The following SETBP1 variants were observed in gnomAD, a reference collection of about 807,000 sequenced individuals.
SETBP1 encodes SET-binding protein.
A neutral mutation model predicts 101.0 loss-of-function variants in SETBP1; 9 were observed. The observed-to-expected ratio is 0.09, with a 90% CI of 0.05 to 0.16. SETBP1 has a LOEUF of 0.16. Among genes scored for constraint, SETBP1 ranks in the 10% least tolerant of loss-of-function variants. The pLI is 1.00. For missense variants in SETBP1, 1,858 were observed against 2,033.8 expected (o/e 0.91, Z 1.66); for synonymous variants, 818 against 788.5 (o/e 1.04, Z -0.63).
chr18:44,837,329 A>G (rs1018027441), intron 2 of SETBP1, among the ~76,000 whole-genome samples: 2 of 152,216 alleles, frequency 1.3e-5, no homozygotes, highest in Non-Finnish European at 2.9e-5. Flanking sequence ...ATCAACACTC[A>G]ATTATTTGCT....
At chr18:44,768,789 A>G (rs1475108097) in intron 2 of SETBP1, among the ~76,000 whole-genome samples, 1 of 152,252 alleles carries the variant, frequency 6.6e-6, no homozygotes, top group African/African-American at 2.4e-5. Context: ...TTATTTTGAC[A>G]GTTGCCCTTG....
At chr18:44,844,771 C>T (rs1461094308) in intron 2 of SETBP1, among the ~76,000 whole-genome samples, 1 of 152,112 alleles carries the variant, frequency 6.6e-6, no homozygotes, top group East Asian at 1.9e-4. Flanking sequence ...ACTGAAGCTT[C>T]CAAGTTCAGA....
intron 4 of SETBP1, among the ~76,000 whole-genome samples, chr18:44,982,344 G>T (rs991815293): frequency 1.3e-5 from 2 of 152,228 alleles, no homozygotes; most frequent in African/African-American, 4.8e-5. Flanking sequence ...GCTTCCTGGA[G>T]CAGTCGCCTC....
In SETBP1 at chr18:44,985,326, T is replaced by A. The variant is rs79571630; in HGVS notation, c.4000+31986T>A. On this transcript the variant is annotated intron_variant, in intron 4 of 5. Coordinates refer to ENST00000649279, the MANE Select transcript of SETBP1 (RefSeq NM_015559.3). ...GAGCTAAGCAGTAGGTACTATTGTT[T>A]CCATTTTCAGATAACTTGTAACTTG... Among the ~76,000 whole-genome samples the A allele has an allele frequency of 3.9e-5, 6 of 152,332 alleles. No homozygotes were observed. The East Asian group carries it at 1.2e-3, about 29-fold the overall frequency.
chr18:44,701,795 C>T lies in SETBP1; in HGVS notation c.449C>T (p.Ala150Val). 1 of 1,613,870 alleles carries T rather than the reference C, an allele frequency of 6.2e-7. No individual in the cohort carries two copies. Among genetic ancestry groups the T allele is most frequent in the Non-Finnish European group, 8.5e-7 (1 of 1,180,012 alleles). The change falls in exon 2 of 6, where the codon GCC (alanine) becomes GTC (valine). Residue 150 changes from alanine to valine, a missense_variant. Around this residue, in one of 12 missense-constraint regions of SETBP1, gnomAD observed 581 missense variants for 535.1 expected, o/e 1.09. Transcript: ENST00000649279. ...KVSRAGKNSK[A>V]TKEEERSHSK... ...TCCCGTGCTGGAAAAAATAGCAAAGCCACGAAGGAGGAAGAAAGAAGCCAC... is the reference window on the plus strand; with the variant it reads ...TCCCGTGCTGGAAAAAATAGCAAAGTCACGAAGGAGGAAGAAAGAAGCCAC...
chr18:44,926,428 A>G (rs1055777534), intron 3 of SETBP1, among the ~76,000 whole-genome samples: 2 of 152,188 alleles, frequency 1.3e-5, no homozygotes, highest in Admixed American at 6.5e-5. Context: ...CTGCATCATC[A>G]GGAAGTGCCG....
At chr18:44,920,218 C>G (rs1266789361) in intron 3 of SETBP1, among the ~76,000 whole-genome samples, 2 of 152,014 alleles carry the variant, frequency 1.3e-5, no homozygotes, top group Non-Finnish European at 2.9e-5. Flanking sequence ...GAGAGTGAAC[C>G]CACTCTCGCA....
chr18:44,976,066 G>A lies in SETBP1; in HGVS notation c.4000+22726G>A, dbSNP rs1249568600. Among the ~76,000 whole-genome samples the A allele has an allele frequency of 2.4e-4, 27 of 114,024 alleles. No individual in the cohort carries two copies. The Admixed American group carries it at 2.8e-3, about 12-fold the overall frequency. 74.8% of individuals were successfully genotyped at this position (114,024 alleles called of 152,430 possible). On this transcript the variant is annotated intron_variant, in intron 4 of 5. Coordinates refer to ENST00000649279, the MANE Select transcript of SETBP1 (RefSeq NM_015559.3). ...AGTGTTTAGTAAGTCGAGCTTTTGG[G>A]GAGGGATACACACACACACACACAC...
At chr18:44,849,896 C>A (rs1355096098) in intron 2 of SETBP1, among the ~76,000 whole-genome samples, 1 of 152,182 alleles carries the variant, frequency 6.6e-6, no homozygotes, top group African/African-American at 2.4e-5. Context: ...TAATCAGTCA[C>A]CTATTCCATA....
In SETBP1 at chr18:45,065,786, A is replaced by T. The variant is rs901726170; in HGVS notation, c.*2088A>T. On this transcript the variant is annotated 3_prime_UTR_variant, in exon 6 of 6. Coordinates refer to ENST00000649279, the MANE Select transcript of SETBP1 (RefSeq NM_015559.3). ...GATACTCAGTTTGTGACCTTGGTTG[A>T]CCTTTGGCATTTCACGCAAGTTGAA... 1 of 152,130 alleles carries T rather than the reference A, an allele frequency of 6.6e-6. No homozygotes were observed. Among genetic ancestry groups the T allele is most frequent in the Non-Finnish European group, 1.5e-5 (1 of 68,024 alleles). The allele number at this position is 152,130 out of a possible 1,614,324, so 9.4% of individuals were successfully genotyped here.
At chr18:44,892,703 T>G (rs568392181) in intron 3 of SETBP1, among the ~76,000 whole-genome samples, 2 of 152,272 alleles carry the variant, frequency 1.3e-5, no homozygotes, top group African/African-American at 4.8e-5. Flanking sequence ...AACTTCTATC[T>G]ACTGGTTTTA....
chr18:44,733,080 A>T (rs2069873281), intron 2 of SETBP1: 1 of 152,172 alleles, frequency 6.6e-6, no homozygotes, highest in East Asian at 1.9e-4. Context: ...CTAGCTCCAG[A>T]CCTAGATGAG....
chr18:44,898,592 G>GGCT (rs1281915075), intron 3 of SETBP1, among the ~76,000 whole-genome samples: 3 of 152,114 alleles, frequency 2.0e-5, no homozygotes, highest in African/African-American at 7.2e-5. Flanking sequence ...AAGCCAGGAA[G>GGCT]GCTGCCTCCA....
intron 2 of SETBP1, among the ~76,000 whole-genome samples, chr18:44,702,897 C>T (rs1368255827): frequency 1.3e-5 from 2 of 152,240 alleles, no homozygotes; most frequent in Non-Finnish European, 2.9e-5. Flanking sequence ...GACATTGACT[C>T]AACTTGGTTA....
upstream of SETBP1, among the ~76,000 whole-genome samples, chr18:44,680,709 G>A (rs1352606455): frequency 6.6e-6 from 1 of 152,078 alleles, no homozygotes; most frequent in South Asian, 2.1e-4. Context: ...GGAGGGCTGG[G>A]AGCTTATTGA....
In SETBP1 at chr18:44,951,106, G is replaced by T; in HGVS notation, c.1766G>T (p.Arg589Leu). Residue 589 changes from arginine (R) to leucine (L), a missense_variant, in exon 4 of 6, where the codon CGA (arginine) becomes CTA (leucine). This residue lies in a region of SETBP1 where 24 missense variants were observed against 68.4 expected (regional missense o/e 0.35). Transcript: ENST00000649279. This position sits in a 1 kb window ranked among gnomAD's most constrained non-coding sequence, Gnocchi z 7.8. ...ACTCCAGTCAAAAAGAAGCGGGGAC[G>T]ACCAAAGAAGCAGCCTTTGCTCACA... ...VITPVKKKRG[R>L]PKKQPLLTVE... 6.2e-7 allele frequency: 1 copy of T among 1,614,058 alleles called. No homozygotes were observed. Among genetic ancestry groups the T allele is most frequent in the South Asian group, 1.1e-5 (1 of 91,062 alleles).
At chr18:44,888,295 G>T (rs139274685) in intron 3 of SETBP1, among the ~76,000 whole-genome samples, 22 of 152,176 alleles carry the variant, frequency 1.4e-4, no homozygotes, top group African/African-American at 4.8e-4. Flanking sequence ...CTGCCTGAAG[G>T]TCCCTTCTTA....
chr18:44,981,086 C>T (rs187331741), intron 4 of SETBP1, among the ~76,000 whole-genome samples: 1 of 152,286 alleles, frequency 6.6e-6, no homozygotes, highest in Admixed American at 6.5e-5. Flanking sequence ...AAATGAGAAC[C>T]TCTGAAGCAG....
intron 4 of SETBP1, among the ~76,000 whole-genome samples, chr18:45,013,434 C>CTTTCTTTCTTTCTTTCTTTCTTTCTT (rs573114558): frequency 3.3e-5 from 5 of 150,400 alleles, no homozygotes; most frequent in African/African-American, 1.2e-4. Flanking sequence ...TTCTTTCTTT[C>CTTTCTTTCTTTCTTTCTTTCTTTCTT]TTTTTTTTTG....
Sources: gnomAD v4.1 joint callset for allele counts (sites outside exome capture counted in the v4.1 genomes callset) on GRCh38, gnomAD v4.1.1 for gene constraint, gnomAD v4.1.1 regional missense constraint, Gnocchi (gnomAD v3.1) non-coding constraint, MANE v1.5 for transcripts, NCBI Gene and HGNC (gene_info 2026-07-23, HGNC 2026-07-21) for gene names.